The following CDH18 variants were observed in gnomAD, a reference collection of about 807,000 sequenced individuals.
CDH18 encodes the protein cadherin-18.
A neutral mutation model predicts 67.9 loss-of-function variants in CDH18; 31 were observed. The ratio of observed to expected loss-of-function variants is 0.46; its 90% CI spans 0.34 to 0.62. CDH18 has a LOEUF of 0.62. Among genes scored for constraint, CDH18 ranks in the 20% least tolerant of loss-of-function variants. The probability of loss-of-function intolerance (pLI) is 0.01; values close to 1 mark genes in which losing one functional copy is unlikely to be tolerated. For synonymous variants in CDH18, 362 were observed against 347.2 expected, an observed-to-expected ratio of 1.04 and a Z score of -0.48; for missense variants, 890 against 975.5, an observed-to-expected ratio of 0.91 and a Z score of 1.17.
At chr5:20,256,972 A>ATCTATCTATCTGTCTAATC (rs374238378) in intron 1 of CDH18, among the ~76,000 whole-genome samples, 2 of 141,202 alleles carry the variant, frequency 1.4e-5, no homozygotes, top group African/African-American at 5.5e-5. Flanking sequence ...TAATCTATCT[A>ATCTATCTATCTGTCTAATC]TATCTATATC....
At chr5:19,622,605 T>C (rs181084553) in intron 5 of CDH18, among the ~76,000 whole-genome samples, 20 of 152,304 alleles carry the variant, frequency 1.3e-4, no homozygotes, top group Admixed American at 1.3e-3. Context: ...GTTTAGAAGC[T>C]GCTGCCTTGA....
At chr5:20,492,547 G>A (rs920062129) in intron 1 of CDH18, among the ~76,000 whole-genome samples, 6 of 152,078 alleles carry the variant, frequency 3.9e-5, no homozygotes, top group East Asian at 1.9e-4. Context: ...ATGAAATATC[G>A]TTGGTAAAGT....
At chr5:20,512,599 G>A (rs1225407264) in intron 1 of CDH18, among the ~76,000 whole-genome samples, 1 of 151,970 alleles carries the variant, frequency 6.6e-6, no homozygotes, top group Non-Finnish European at 1.5e-5. Context: ...ACTTGACTCA[G>A]CTGGCTGAGT....
At chr5:19,487,763 C>T (rs1320203991) in intron 11 of CDH18, among the ~76,000 whole-genome samples, 1 of 152,052 alleles carries the variant, frequency 6.6e-6, no homozygotes, top group East Asian at 1.9e-4. Context: ...GGGAGGTTTT[C>T]ACATGCATAT....
At chr5:20,305,004 T>G in intron 1 of CDH18, 1 of 1,613,782 alleles carries the variant, frequency 6.2e-7, no homozygotes, top group Non-Finnish European at 8.5e-7. Context: ...TGACACAAGC[T>G]TTACTGGAAG....
chr5:19,552,855 A>T (rs1165950171), intron 8 of CDH18, among the ~76,000 whole-genome samples: 1 of 152,206 alleles, frequency 6.6e-6, no homozygotes, highest in African/African-American at 2.4e-5. Flanking sequence ...AATATAACTT[A>T]TAAATACTGG....
chr5:19,494,815 G>A (rs1742019100), intron 11 of CDH18, among the ~76,000 whole-genome samples: 1 of 152,154 alleles, frequency 6.6e-6, no homozygotes, highest in South Asian at 2.1e-4. Context: ...CTGCCTTGGA[G>A]GTGACTTTTG....
rs758808634 is a variant in CDH18 at position 19,544,013 on chromosome 5, A to G, written c.1254-8T>C. On this transcript the variant is annotated splice_region_variant and splice_polypyrimidine_tract_variant and intron_variant, in intron 8 of 12. Coordinates refer to ENST00000382275, the MANE Select transcript of CDH18 (RefSeq NM_004934.5). ...TTGTAGTTGATGAAGTATCTAGAGA[A>G]AAAAAGAGAAGTTTTTACTTGATGT... 5 of 1,513,850 alleles carry G rather than the reference A, an allele frequency of 3.3e-6. No homozygotes were observed. The highest frequency in any genetic ancestry group is 4.5e-6 in the Non-Finnish European group (5 of 1,117,202). 93.8% of individuals were successfully genotyped at this position (1,513,850 alleles called of 1,614,324 possible).
intron 2 of CDH18, among the ~76,000 whole-genome samples, chr5:20,098,065 A>G (rs1180508860): frequency 2.6e-5 from 4 of 151,944 alleles, no homozygotes. Context: ...AAAATAGAAT[A>G]TATTTTCAAT....
intron 2 of CDH18, among the ~76,000 whole-genome samples, chr5:20,186,696 G>A (rs190448191): frequency 6.6e-6 from 1 of 151,870 alleles, no homozygotes; most frequent in Non-Finnish European, 1.5e-5. Flanking sequence ...CTTGTACATT[G>A]CTGGTTGAAG....
At chr5:19,478,099 C>G (rs896087253) in intron 12 of CDH18, among the ~76,000 whole-genome samples, 1 of 151,960 alleles carries the variant, frequency 6.6e-6, no homozygotes, top group Admixed American at 6.6e-5. Flanking sequence ...GATGGGGAAA[C>G]ATTTTTTGTA....
chr5:20,304,322 A>G (rs1736222123), intron 1 of CDH18: 39 of 1,585,296 alleles, frequency 2.5e-5, no homozygotes, highest in Non-Finnish European at 3.4e-5. Context: ...AGTACCTATG[A>G]CTTTCTCTTT....
intron 3 of CDH18, among the ~76,000 whole-genome samples, chr5:19,821,890 T>A (rs539956104): frequency 6.6e-6 from 1 of 152,062 alleles, no homozygotes; most frequent in African/African-American, 2.4e-5. Context: ...AAGAAAAAAA[T>A]CTTTTCTCGA....
chr5:19,961,102 T>G (rs897730835), intron 2 of CDH18, among the ~76,000 whole-genome samples: 1 of 24,180 alleles, frequency 4.1e-5, no homozygotes, highest in African/African-American at 2.2e-4. Context: ...ACATTATAAT[T>G]TTTTTTTTTT....
chr5:19,576,783 C>T (rs1247376050), intron 7 of CDH18, among the ~76,000 whole-genome samples: 3 of 152,068 alleles, frequency 2.0e-5, no homozygotes, highest in Non-Finnish European at 4.4e-5. Context: ...GACATGGCTG[C>T]ACCCTTATAT....
At chr5:20,466,902 T>C (rs1040624689) in intron 1 of CDH18, among the ~76,000 whole-genome samples, 1 of 152,112 alleles carries the variant, frequency 6.6e-6, no homozygotes, top group African/African-American at 2.4e-5. Context: ...TGTTCTACTT[T>C]CATCACCCTC....
At chr5:20,056,478 GTTTTTTTT>G (rs58415003) in intron 2 of CDH18, among the ~76,000 whole-genome samples, 6 of 16,292 alleles carry the variant, frequency 3.7e-4, no homozygotes, top group Non-Finnish European at 5.1e-4. Context: ...TCTTTCTTTT[GTTTTTTTT>G]TTTTTTTTTT....
chr5:20,390,717 G>A (rs1580888761), intron 1 of CDH18, among the ~76,000 whole-genome samples: 1 of 152,286 alleles, frequency 6.6e-6, no homozygotes. Flanking sequence ...ATTCACAATA[G>A]CAAAGGCTTG....
intron 2 of CDH18, among the ~76,000 whole-genome samples, chr5:19,961,941 C>A (rs1269785465): frequency 6.6e-6 from 1 of 151,738 alleles, no homozygotes; most frequent in East Asian, 1.9e-4. Context: ...ACAATTTTTT[C>A]TCTGCAAGTT....
Sources: allele counts gnomAD v4.1 joint callset (sites outside exome capture counted in the v4.1 genomes callset), GRCh38; gene constraint gnomAD v4.1.1; transcripts MANE v1.5; gene names NCBI Gene and HGNC (gene_info 2026-07-23, HGNC 2026-07-21).